The following HMCN1 variants were observed in gnomAD, a reference collection of about 807,000 sequenced individuals.
HMCN1 encodes hemicentin-1.
HMCN1 carries 321 observed loss-of-function variants against 625.9 expected under a neutral mutation model. That is an observed-to-expected ratio of 0.51 (90% CI 0.47 to 0.56). The LOEUF is 0.56. Among genes scored for constraint, HMCN1 ranks in the 20% least tolerant of loss-of-function variants. The pLI, the probability that HMCN1 is intolerant of heterozygous loss-of-function variation, is 0.00. For missense variants in HMCN1, 6,588 were observed against 6,887.3 expected (o/e 0.96, Z 1.54); for synonymous variants, 2,425 against 2,417.6 (o/e 1.00, Z -0.09).
At chr1:185,738,054 G>A (rs770979506) in intron 1 of HMCN1, among the ~76,000 whole-genome samples, 25 of 152,154 alleles carry the variant, frequency 1.6e-4, no homozygotes, top group Non-Finnish European at 2.9e-4. Context: ...ATGGAAAGGC[G>A]AGCCAACCTT....
chr1:185,962,123 C>G (rs1021097965), intron 11 of HMCN1, among the ~76,000 whole-genome samples: 1 of 152,096 alleles, frequency 6.6e-6, no homozygotes, highest in Non-Finnish European at 1.5e-5. Context: ...ATAGTCAGGA[C>G]AAGTTGTGGC....
intron 105 of HMCN1, among the ~76,000 whole-genome samples, chr1:186,184,628 T>A (rs1406491415): frequency 6.6e-6 from 1 of 152,028 alleles, no homozygotes; most frequent in East Asian, 1.9e-4. Context: ...ATCCGTGTTT[T>A]AAAAATGCAA....
At chr1:186,096,484 G>A (rs1211499338) in intron 68 of HMCN1, among the ~76,000 whole-genome samples, 1 of 152,122 alleles carries the variant, frequency 6.6e-6, no homozygotes, top group African/African-American at 2.4e-5. Context: ...CTTCTGTAGA[G>A]GGAAGCAGAA....
intron 4 of HMCN1, among the ~76,000 whole-genome samples, chr1:185,897,666 C>A (rs953847763): frequency 1.3e-5 from 2 of 152,132 alleles, no homozygotes; most frequent in African/African-American, 4.8e-5. Flanking sequence ...CCAGATAAAC[C>A]AGATTTGACC....
chr1:186,065,315 G>A lies in HMCN1; in HGVS notation c.7591G>A (p.Gly2531Ser), dbSNP rs376439594. 1.2e-6 allele frequency: 2 copies of A among 1,612,480 alleles called. No individual in the cohort carries two copies. Among genetic ancestry groups the A allele is most frequent in the African/African-American group, 2.7e-5 (2 of 74,854 alleles). The change falls in exon 49 of 107, where the codon GGT becomes AGT. Residue 2531 changes from glycine (G) to serine (S), a missense_variant. Around this residue, in one of 3 missense-constraint regions of HMCN1, gnomAD observed 4,628 missense variants for 4,853.1 expected, o/e 0.95. Transcript: ENST00000271588. Reference sequence around the variant, plus strand: ...AGATGAAGCCCATCACATTATATCTGGTGGCCGTTTTCTTCAAATTACCAA... The same window carrying A: ...AGATGAAGCCCATCACATTATATCTAGTGGCCGTTTTCTTCAAATTACCAA... The part of the protein sequence containing the change: ...QEDEAHHIIS[G>S]GRFLQITNVQ...
intron 105 of HMCN1, among the ~76,000 whole-genome samples, chr1:186,184,619 T>C (rs1653163442): frequency 6.6e-6 from 1 of 152,202 alleles, no homozygotes; most frequent in South Asian, 2.1e-4. Context: ...CTCTTATTCA[T>C]CCGTGTTTTA....
intron 1 of HMCN1, among the ~76,000 whole-genome samples, chr1:185,813,621 G>A (rs776429339): frequency 1.3e-5 from 2 of 152,102 alleles, no homozygotes; most frequent in Non-Finnish European, 2.9e-5. Flanking sequence ...TTTATAGAGG[G>A]TTGACTTGAG....
intron 12 of HMCN1, 97 bp from the exon 13 acceptor site, chr1:185,963,671 C>G: frequency 2.1e-6 from 2 of 945,080 alleles, no homozygotes; most frequent in Non-Finnish European, 3.4e-6. Flanking sequence ...TATAACTCTA[C>G]AACGTTTGAA....
At position 186,098,418 on chromosome 1, in the gene HMCN1, G is replaced by A. The variant is rs1440255265; in HGVS notation, c.10573+2897G>A. On this transcript the variant is annotated intron_variant, in intron 68 of 106. Transcript: ENST00000271588. ...TTTCTCAAAAGATGACATGTAAATG[G>A]CCAAGAGGTATATGAAAAAAGCCTC... Among the ~76,000 whole-genome samples the A allele has an allele frequency of 1.3e-5, 2 of 151,996 alleles. 1 individual carries two copies. Among genetic ancestry groups the A allele is most frequent in the Admixed American group, 1.3e-4 (2 of 15,248 alleles).
intron 35 of HMCN1, 152 bp downstream of exon 35, chr1:186,019,847 A>G (rs1025577224): frequency 3.3e-6 from 2 of 606,642 alleles, no homozygotes; most frequent in Non-Finnish European, 5.5e-6. Context: ...TAGAGTTTTT[A>G]AGAATTTAAC....
rs1031139241 is a variant in HMCN1 at position 185,911,700 on chromosome 1, C to T, written c.820C>T (p.Leu274=). The T allele has an allele frequency of 6.2e-7, 1 of 1,613,024 alleles. No individual in the cohort carries two copies. Among genetic ancestry groups the T allele is most frequent in the Non-Finnish European group, 8.5e-7 (1 of 1,179,242 alleles). ...LGKLIKKGFG[L]HELLNIHNSA... ...GAAGCTGATAAAAAAGGGATTTGGCCTGCATGAGCTATTAAATATCCATAA... is the reference window on the plus strand; with the variant it reads ...GAAGCTGATAAAAAAGGGATTTGGCTTGCATGAGCTATTAAATATCCATAA... The change falls in exon 6 of 107, where the codon CTG becomes TTG. Residue 274 remains leucine, a synonymous_variant. Transcript: ENST00000271588.
chr1:185,793,059 T>A (rs1370280517), intron 1 of HMCN1, among the ~76,000 whole-genome samples: 1 of 152,208 alleles, frequency 6.6e-6, no homozygotes, highest in Admixed American at 6.5e-5. Flanking sequence ...TTCTTGGTTT[T>A]GTGTAGATAC....
At chr1:185,774,168 GT>G (rs1043867644) in intron 1 of HMCN1, among the ~76,000 whole-genome samples, 1 of 152,022 alleles carries the variant, frequency 6.6e-6, no homozygotes, top group Non-Finnish European at 1.5e-5. Context: ...AAAATAATTT[GT>G]TTTTTTAAAG....
chr1:185,981,038 T>C lies in HMCN1; in HGVS notation c.2627T>C (p.Ile876Thr), dbSNP rs751790104. 2 of 1,612,042 alleles carry C rather than the reference T, an allele frequency of 1.2e-6. No homozygotes were observed. The highest frequency in any genetic ancestry group is 1.7e-6 in the Non-Finnish European group (2 of 1,178,166). Residue 876 changes from isoleucine to threonine, a missense_variant, in exon 17 of 107, where the codon ATC (isoleucine) becomes ACC (threonine). By Grantham distance (89) the Ile-to-Thr change is moderately conservative. Transcript: ENST00000271588. ...ICEAENQFGK[I>T]QSETTVTVTG... ...GAAGCTGAAAACCAGTTTGGAAAGA[T>C]CCAGTCAGAGACAACAGTAACAGTG...
At position 186,093,632 on chromosome 1, in the gene HMCN1, T is replaced by A. The variant is rs1271120085; in HGVS notation, c.10159T>A (p.Ser3387Thr). 1 of 1,613,394 alleles carries A rather than the reference T, an allele frequency of 6.2e-7. No individual in the cohort carries two copies. The highest frequency in any genetic ancestry group is 1.7e-5 in the Admixed American group (1 of 59,874). The change falls in exon 66 of 107, where the codon TCC becomes ACC. Residue 3387 changes from serine to threonine, a missense_variant. By Grantham distance (58) the Ser-to-Thr change is moderately conservative. Transcript: ENST00000271588. ...LKNGLPLPLS[S>T]HIRLLAAGQV... The stretch of plus-strand genomic sequence containing the variant: ...GAATGGACTTCCTCTGCCTCTCTCC[T>A]CCCATATCCGGTTACTGGCAGCAGG...
At chr1:186,015,820 T>C (rs374182847) in intron 31 of HMCN1, 138 bp from the exon 32 acceptor site, 3 of 758,522 alleles carry the variant, frequency 4.0e-6, no homozygotes, top group Admixed American at 2.2e-5. Flanking sequence ...CCTCAATAGC[T>C]TAGAGGGAGA....
chr1:185,907,249 G>A (rs1666147229), intron 4 of HMCN1, among the ~76,000 whole-genome samples: 1 of 151,884 alleles, frequency 6.6e-6, no homozygotes, highest in African/African-American at 2.4e-5. Flanking sequence ...AAATTTTGAG[G>A]AAATACATCA....
intron 68 of HMCN1, among the ~76,000 whole-genome samples, chr1:186,096,650 A>T (rs1049116482): frequency 1.3e-5 from 2 of 152,120 alleles, no homozygotes; most frequent in African/African-American, 4.8e-5. Context: ...TGCTCAACAA[A>T]ATACTAGCAA....
chr1:185,764,380 G>A (rs886562380), intron 1 of HMCN1, among the ~76,000 whole-genome samples: 5 of 152,096 alleles, frequency 3.3e-5, no homozygotes, highest in Admixed American at 1.3e-4. Context: ...ATTTCAAGTG[G>A]TATTTTTAAA....
Sources: allele counts gnomAD v4.1 joint callset (sites outside exome capture counted in the v4.1 genomes callset), GRCh38; gene constraint gnomAD v4.1.1; regional missense constraint gnomAD v4.1.1; transcripts MANE v1.5; gene names NCBI Gene and HGNC (gene_info 2026-07-23, HGNC 2026-07-21).